The following WDTC1 variants were observed in gnomAD, a reference collection of about 807,000 sequenced individuals.
The protein encoded by WDTC1 is WD and tetratricopeptide repeats protein 1.
A neutral mutation model predicts 76.0 loss-of-function variants in WDTC1; 12 were observed. That is an observed-to-expected ratio of 0.16 (90% CI 0.10 to 0.26). The LOEUF (loss-of-function observed/expected upper bound fraction) is 0.26, where lower values mean the gene tolerates loss of function less well. WDTC1 is among the 10% of genes least tolerant of loss of function. The pLI, the probability that WDTC1 is intolerant of heterozygous loss-of-function variation, is 1.00. For missense variants in WDTC1, 511 were observed against 908.8 expected (o/e 0.56, Z 5.63); for synonymous variants, 326 against 350.8 (o/e 0.93, Z 0.79).
At chr1:27,248,020 TACC>T (rs1331584345) in intron 1 of WDTC1, among the ~76,000 whole-genome samples, 1 of 152,210 alleles carries the variant, frequency 6.6e-6, no homozygotes, top group East Asian at 1.9e-4. Context: ...GCCCAGCCTG[TACC>T]ACATCTTCTT....
chr1:27,263,142 T>C lies in WDTC1; in HGVS notation c.49-10T>C. On this transcript the variant is annotated splice_polypyrimidine_tract_variant and intron_variant, in intron 2 of 15. Coordinates refer to ENST00000319394, the MANE Select transcript of WDTC1 (RefSeq NM_001276252.2). ...ATCAATGAAATCACGAATTTGTTTC[T>C]GTCCCCTAGGAGCGGGGTGCCCTGA... The C allele has an allele frequency of 6.2e-7, 1 of 1,613,380 alleles. No homozygotes were observed. The highest frequency in any genetic ancestry group is 8.5e-7 in the Non-Finnish European group (1 of 1,179,716).
rs2013963059 is a variant in WDTC1, at chr1:27,306,635, C to T, written c.*252C>T. 1 of 546,732 alleles carries T rather than the reference C, an allele frequency of 1.8e-6. No individual in the cohort carries two copies. The highest frequency in any genetic ancestry group is 2.2e-5 in the South Asian group (1 of 46,200). The allele number at this position is 546,732 out of a possible 1,614,324, so 33.9% of individuals were successfully genotyped here. ...GAGGGGACACCCCTCCATATGCCCC[C>T]CCCCATCTCCTGCTTTCATGTCCCT... On this transcript the variant is annotated 3_prime_UTR_variant, in exon 16 of 16. Coordinates refer to ENST00000319394, the MANE Select transcript of WDTC1 (RefSeq NM_001276252.2). The surrounding 1 kb of genome is among the most constrained non-coding windows in gnomAD (Gnocchi z 5.0).
intron 1 of WDTC1, among the ~76,000 whole-genome samples, chr1:27,239,395 G>A (rs867516019): frequency 6.6e-6 from 1 of 151,050 alleles, no homozygotes; most frequent in African/African-American, 2.4e-5. Flanking sequence ...GGTAGCATGT[G>A]CCTGTATTCC....
chr1:27,300,256 G>C (rs994326122), intron 12 of WDTC1, among the ~76,000 whole-genome samples: 2 of 152,098 alleles, frequency 1.3e-5, no homozygotes, highest in Non-Finnish European at 2.9e-5. Context: ...CCTTGGAGAA[G>C]GGGCCATTAA....
intron 2 of WDTC1, among the ~76,000 whole-genome samples, chr1:27,262,317 T>G (rs1290034771): frequency 1.3e-5 from 2 of 152,152 alleles, no homozygotes; most frequent in African/African-American, 4.8e-5. Context: ...AGTATGTGCC[T>G]CTACATGAGC....
At chr1:27,282,493 CTGTTT>C (rs945330164) in intron 4 of WDTC1, among the ~76,000 whole-genome samples, 5 of 152,026 alleles carry the variant, frequency 3.3e-5, no homozygotes, top group African/African-American at 4.8e-5. Context: ...CATCCAAACC[CTGTTT>C]TGTTTTGTTT....
intron 5 of WDTC1, 107 bp from the exon 6 acceptor site, chr1:27,287,567 T>A: frequency 7.7e-7 from 1 of 1,302,818 alleles, no homozygotes; most frequent in South Asian, 1.4e-5. Context: ...GGGCTCATTC[T>A]CTTATCTGAC....
chr1:27,240,558 T>G (rs572039061), intron 1 of WDTC1, among the ~76,000 whole-genome samples: 37 of 152,200 alleles, frequency 2.4e-4, no homozygotes, highest in Non-Finnish European at 3.8e-4. Flanking sequence ...TTAGTTGGCT[T>G]CTTCTGGGTA....
chr1:27,276,429 C>T (rs138121701), intron 3 of WDTC1, among the ~76,000 whole-genome samples: 19 of 152,258 alleles, frequency 1.2e-4, no homozygotes, highest in Non-Finnish European at 2.2e-4. Context: ...GGCGCGGTGA[C>T]TTATGCCTAT....
chr1:27,284,663 C>T (rs2013280457), intron 5 of WDTC1, among the ~76,000 whole-genome samples: 1 of 151,878 alleles, frequency 6.6e-6, no homozygotes, highest in Non-Finnish European at 1.5e-5. Flanking sequence ...GAGCACAAGA[C>T]ATTGATTTCT....
chr1:27,243,198 A>ATTTTTTTTT (rs10714028), intron 1 of WDTC1, among the ~76,000 whole-genome samples: 1 of 60,250 alleles, frequency 1.7e-5, no homozygotes, highest in Non-Finnish European at 3.4e-5. Flanking sequence ...CTGGCCAGTA[A>ATTTTTTTTT]TTTTTTTTTT....
intron 1 of WDTC1, among the ~76,000 whole-genome samples, chr1:27,253,473 CTCT>C (rs1004874868): frequency 4.7e-5 from 6 of 128,362 alleles, no homozygotes; most frequent in Non-Finnish European, 9.6e-5. Context: ...CTTCCTCTTC[CTCT>C]TCTTCTCTCT....
rs528564363 is a variant in WDTC1 at position 27,257,113 on chromosome 1, C to T, written c.-99-3843C>T. On this transcript the variant is annotated intron_variant, in intron 1 of 15. Coordinates refer to ENST00000319394, the MANE Select transcript of WDTC1 (RefSeq NM_001276252.2). ...TCCTGACCTCGTGATCCGCCCACCT[C>T]GGCCTCCCAAAGCGCTGGGATTACA... 4.6e-5 allele frequency among the ~76,000 whole-genome samples: 7 copies of T among 152,204 alleles called. No homozygotes were observed. In the South Asian group the frequency reaches 6.2e-4, roughly 14 times the overall value.
intron 1 of WDTC1, among the ~76,000 whole-genome samples, chr1:27,246,788 C>T (rs1220872488): frequency 6.6e-6 from 1 of 151,466 alleles, no homozygotes; most frequent in South Asian, 2.1e-4. Context: ...TCTTGAACTC[C>T]TGACCTCAGG....
chr1:27,306,631 C>CA lies in WDTC1; in HGVS notation c.*248_*249insA, dbSNP rs2013962598. The CA allele has an allele frequency of 2.1e-6, 1 of 484,594 alleles. No homozygotes were observed. The allele number at this position is 484,594 out of a possible 1,614,324, so 30.0% of individuals were successfully genotyped here. The stretch of plus-strand genomic sequence containing the variant: ...GCAGGAGGGGACACCCCTCCATATG[C>CA]CCCCCCCCATCTCCTGCTTTCATGT... On this transcript the variant is annotated 3_prime_UTR_variant, in exon 16 of 16. Transcript: ENST00000319394. This position sits in a 1 kb window ranked among gnomAD's most constrained non-coding sequence, Gnocchi z 5.0.
chr1:27,294,656 C>T (rs1057079687), intron 9 of WDTC1, 27 bp downstream of exon 9: 1 of 1,601,102 alleles, frequency 6.2e-7, no homozygotes, highest in African/African-American at 1.3e-5. Flanking sequence ...GTGGTTCTGC[C>T]CCATCACCAT....
chr1:27,271,863 C>G (rs2012876601), intron 3 of WDTC1, among the ~76,000 whole-genome samples: 1 of 149,884 alleles, frequency 6.7e-6, no homozygotes, highest in Admixed American at 6.6e-5. Context: ...TCTCGAACTC[C>G]CGGCCTCAGG....
chr1:27,265,320 AC>A (rs1343607909), intron 3 of WDTC1, among the ~76,000 whole-genome samples: 1 of 152,172 alleles, frequency 6.6e-6, no homozygotes, highest in Non-Finnish European at 1.5e-5. Context: ...ATTAAACTAG[AC>A]ATTAAAGAAG....
At chr1:27,269,526 G>A (rs986418481) in intron 3 of WDTC1, among the ~76,000 whole-genome samples, 6 of 150,840 alleles carry the variant, frequency 4.0e-5, no homozygotes, top group Non-Finnish European at 8.9e-5. Flanking sequence ...TGTAAGCTAC[G>A]TGGAAGACGA....
Sources: gnomAD v4.1 joint callset for allele counts (sites outside exome capture counted in the v4.1 genomes callset) on GRCh38, gnomAD v4.1.1 for gene constraint, Gnocchi (gnomAD v3.1) non-coding constraint, MANE v1.5 for transcripts, NCBI Gene and HGNC (gene_info 2026-07-23, HGNC 2026-07-21) for gene names.